C12orf42: variants seen among roughly 807,000 people sequenced by gnomAD.
The protein encoded by C12orf42 is uncharacterized protein C12orf42.
In C12orf42, 25 loss-of-function variants were observed where a neutral mutation model predicts 21.6. That is an observed-to-expected ratio of 1.16 (90% confidence interval 0.84 to 1.62). C12orf42 has a LOEUF of 1.62. Ranked by LOEUF, C12orf42 falls within the 40% of genes most tolerant of loss-of-function variation. C12orf42 has a pLI of 0.00. For missense variants in C12orf42, 483 were observed against 459.3 expected, an observed-to-expected ratio of 1.05 and a Z score of -0.47; for synonymous variants, 174 against 175.0, an observed-to-expected ratio of 0.99 and a Z score of 0.05.
intron 4 of C12orf42, among the ~76,000 whole-genome samples, chr12:103,284,514 T>C (rs987241171): frequency 2.0e-5 from 3 of 152,176 alleles, no homozygotes; most frequent in Non-Finnish European, 1.5e-5. Context: ...CACTAGGGCC[T>C]AGCAATACCC....
At chr12:103,093,056 C>T in the C12orf42 span, among the ~76,000 whole-genome samples, 1 of 152,202 alleles carries the variant, frequency 6.6e-6, no homozygotes, top group Admixed American at 6.5e-5. Flanking sequence ...CTTCTCTTTT[C>T]TTTCAACATT....
chr12:103,131,875 G>A, the C12orf42 span, among the ~76,000 whole-genome samples: 4 of 152,114 alleles, frequency 2.6e-5, no homozygotes, highest in South Asian at 2.1e-4. Flanking sequence ...ATGGGGTGAT[G>A]TTGTCAGTAG....
the C12orf42 span, among the ~76,000 whole-genome samples, chr12:103,048,813 G>A: frequency 1.3e-5 from 2 of 151,942 alleles, no homozygotes; most frequent in East Asian, 1.9e-4. Flanking sequence ...ATTATATTGC[G>A]CCCTTATCCC....
At chr12:103,549,863 C>G in the C12orf42 span, among the ~76,000 whole-genome samples, 3 of 152,174 alleles carry the variant, frequency 2.0e-5, no homozygotes, top group African/African-American at 4.8e-5. Context: ...GAGGCCCTAA[C>G]AAGCACTTTT....
At chr12:103,099,663 T>C in the C12orf42 span, among the ~76,000 whole-genome samples, 2 of 152,206 alleles carry the variant, frequency 1.3e-5, no homozygotes, top group Non-Finnish European at 2.9e-5. Flanking sequence ...TTACTTAAAA[T>C]ATAAGGCATT....
the C12orf42 span, among the ~76,000 whole-genome samples, chr12:103,220,801 G>A: frequency 1.3e-5 from 2 of 152,180 alleles, no homozygotes; most frequent in South Asian, 2.1e-4. Flanking sequence ...AATGGGCAGG[G>A]GAGAAGCCAA....
At chr12:103,068,314 G>T in the C12orf42 span, among the ~76,000 whole-genome samples, 28 of 152,088 alleles carry the variant, frequency 1.8e-4, no homozygotes, top group South Asian at 3.1e-3. Context: ...TTTAAGTATT[G>T]TTACTTAAAT....
rs776561854 is a variant in C12orf42, at chr12:103,302,377, G to T, written c.814C>A (p.Pro272Thr). 2 of 1,613,958 alleles carry T rather than the reference G, an allele frequency of 1.2e-6. No homozygotes were observed. Among genetic ancestry groups the T allele is most frequent in the Non-Finnish European group, 1.7e-6 (2 of 1,179,874 alleles). Residue 272 changes from proline to threonine, a missense_variant, in exon 6 of 6, where the codon CCC (proline) becomes ACC (threonine). Pro to Thr is a conservative substitution (Grantham distance 38). Transcript: ENST00000548883. ...QSRLLGASGN[P>T]VGKGAVAMAP... The stretch of plus-strand genomic sequence containing the variant: ...ATGGCAACCGCGCCTTTTCCGACGG[G>T]ATTTCCGGACGCGCCCAGGAGTCTG...
chr12:103,377,577 C>A (rs2045809538), intron 3 of C12orf42, among the ~76,000 whole-genome samples: 1 of 152,092 alleles, frequency 6.6e-6, no homozygotes, highest in African/African-American at 2.4e-5. Context: ...TCAAGAAACC[C>A]CCACTTGGAA....
chr12:103,230,462 G>A, the C12orf42 span, among the ~76,000 whole-genome samples: 1 of 152,156 alleles, frequency 6.6e-6, no homozygotes, highest in Non-Finnish European at 1.5e-5. Context: ...CTTTGCCATA[G>A]TCTATCACTT....
intron 10 of C12orf42, among the ~76,000 whole-genome samples, chr12:103,243,707 C>T (rs1007120931): frequency 2.6e-5 from 4 of 152,102 alleles, no homozygotes; most frequent in Non-Finnish European, 5.9e-5. Context: ...TTTGTAGTTG[C>T]TACATTTAAT....
the C12orf42 span, among the ~76,000 whole-genome samples, chr12:103,090,234 G>A: frequency 1.3e-5 from 2 of 151,978 alleles, no homozygotes; most frequent in East Asian, 3.8e-4. Flanking sequence ...AGGTTTTTTT[G>A]GTTTTATGGA....
chr12:103,459,527 T>C (rs769146776), intron 2 of C12orf42, among the ~76,000 whole-genome samples: 8 of 152,146 alleles, frequency 5.3e-5, no homozygotes, highest in Non-Finnish European at 8.8e-5. Context: ...CCTGCCATGA[T>C]TGTAAGCTTC....
At chr12:103,476,545 G>T (rs539135024) in intron 2 of C12orf42, among the ~76,000 whole-genome samples, 5 of 152,354 alleles carry the variant, frequency 3.3e-5, no homozygotes, top group African/African-American at 1.2e-4. Flanking sequence ...ATAGCCAAGA[G>T]GCCAAAGGAT....
In C12orf42 at chr12:103,338,082, G is replaced by A. The variant is rs1470252555; in HGVS notation, c.259+30805C>T. 2.0e-5 allele frequency among the ~76,000 whole-genome samples: 3 copies of A among 152,138 alleles called. No homozygotes were observed. The East Asian group carries it at 5.8e-4, about 29-fold the overall frequency. Reference sequence around the variant, plus strand: ...GCTTTCCCTTTACCACCAAATTTTGGGAAATAGGTTTCCAATATAGCAGCC... The same window carrying A: ...GCTTTCCCTTTACCACCAAATTTTGAGAAATAGGTTTCCAATATAGCAGCC... On this transcript the variant is annotated intron_variant, in intron 4 of 5. Coordinates refer to ENST00000548883, the MANE Select transcript of C12orf42 (RefSeq NM_198521.5).
At chr12:103,335,546 A>G (rs1329485437) in intron 4 of C12orf42, among the ~76,000 whole-genome samples, 4 of 152,218 alleles carry the variant, frequency 2.6e-5, no homozygotes, top group African/African-American at 9.6e-5. Flanking sequence ...GAATCAGGCA[A>G]CACTGATTTC....
intron 2 of C12orf42, among the ~76,000 whole-genome samples, chr12:103,412,199 AT>A (rs2048902537): frequency 6.6e-6 from 1 of 152,236 alleles, no homozygotes; most frequent in Non-Finnish European, 1.5e-5. Context: ...CACAAGTAAA[AT>A]GTCATAGTTC....
At chr12:103,060,699 A>C in the C12orf42 span, among the ~76,000 whole-genome samples, 2 of 152,164 alleles carry the variant, frequency 1.3e-5, no homozygotes, top group Non-Finnish European at 2.9e-5. Flanking sequence ...GTCTTCCACA[A>C]ACCAACAAAA....
chr12:103,065,822 G>T, the C12orf42 span, among the ~76,000 whole-genome samples: 2 of 152,168 alleles, frequency 1.3e-5, no homozygotes, highest in African/African-American at 4.8e-5. Flanking sequence ...TAGATTTTGG[G>T]AGCAACACAT....
Sources: allele counts gnomAD v4.1 joint callset (sites outside exome capture counted in the v4.1 genomes callset), GRCh38; gene constraint gnomAD v4.1.1; transcripts MANE v1.5; gene names NCBI Gene and HGNC (gene_info 2026-07-23, HGNC 2026-07-21).